Variants in LTAP1 observed in about 807,000 individuals in gnomAD.
LTAP1 encodes the protein HCV NS5A-transactivated protein 4.
At chr1:154,216,343 T>A in the LTAP1 span, among the ~76,000 whole-genome samples, 6 of 31,928 alleles carry the variant, frequency 1.9e-4, no homozygotes, top group East Asian at 0.077. Context: ...AAAAAAAATT[T>A]TTTTTTTTTG....
At chr1:154,217,526 T>G in the LTAP1 span, among the ~76,000 whole-genome samples, 1 of 152,062 alleles carries the variant, frequency 6.6e-6, no homozygotes, top group African/African-American at 2.4e-5. Flanking sequence ...CTTTCTTCAC[T>G]CAGCATGGTT....
the LTAP1 span, chr1:154,212,688 T>C: frequency 1.3e-6 from 2 of 1,575,910 alleles, no homozygotes; most frequent in South Asian, 1.1e-5. Context: ...TGAGATGGAG[T>C]CTCGCTCTGT....
At chr1:154,214,602 T>C in the LTAP1 span, 1 of 1,427,856 alleles carries the variant, frequency 7.0e-7, no homozygotes, top group Non-Finnish European at 9.8e-7. Context: ...GAATACACAA[T>C]CATTTACCCT....
the LTAP1 span, chr1:154,219,949 G>A: frequency 1.8e-5 from 28 of 1,572,774 alleles, no homozygotes; most frequent in South Asian, 3.1e-4. Context: ...TGTCCAAAAA[G>A]ATGTAAAAAT....
At chr1:154,214,989 C>G in the LTAP1 span, among the ~76,000 whole-genome samples, 1 of 151,818 alleles carries the variant, frequency 6.6e-6, no homozygotes, top group Non-Finnish European at 1.5e-5. Flanking sequence ...GGATTATAGG[C>G]GCGTACGACC....
the LTAP1 span, among the ~76,000 whole-genome samples, chr1:154,218,752 C>T: frequency 6.6e-6 from 1 of 151,754 alleles, no homozygotes; most frequent in Admixed American, 6.6e-5. Context: ...GTGAACAAAA[C>T]TGGCATGGTG....
At chr1:154,217,133 C>T in the LTAP1 span, among the ~76,000 whole-genome samples, 4 of 150,728 alleles carry the variant, frequency 2.7e-5, no homozygotes, top group Non-Finnish European at 5.9e-5. Flanking sequence ...ATTTTTAGTA[C>T]AGTCGGGGTT....
chr1:154,211,942 C>T, the LTAP1 span: 9 of 201,046 alleles, frequency 4.5e-5, no homozygotes, highest in East Asian at 1.2e-4. Context: ...CCGCAACCTC[C>T]GCCTCCCGGG....
chr1:154,220,175 T>G, the LTAP1 span: 1 of 878,984 alleles, frequency 1.1e-6, no homozygotes, highest in Non-Finnish European at 1.8e-6. Context: ...CGAGGGCGGG[T>G]CGGCCCGACT....
the LTAP1 span, among the ~76,000 whole-genome samples, chr1:154,217,854 C>G: frequency 1.3e-5 from 2 of 152,076 alleles, no homozygotes; most frequent in Non-Finnish European, 2.9e-5. Flanking sequence ...TTTTTTCATT[C>G]AGAAGTATTT....
the LTAP1 span, among the ~76,000 whole-genome samples, chr1:154,209,917 G>A: frequency 6.6e-6 from 1 of 151,728 alleles, no homozygotes; most frequent in Admixed American, 6.6e-5. Context: ...GTAGAGACAG[G>A]GTTACACTAT....
the LTAP1 span, among the ~76,000 whole-genome samples, chr1:154,214,273 T>A: frequency 4.6e-5 from 7 of 151,818 alleles, no homozygotes; most frequent in Admixed American, 3.9e-4. Context: ...TGAAACTCCA[T>A]CTCAAAAAAG....
chr1:154,214,844 A>T, the LTAP1 span, among the ~76,000 whole-genome samples: 2 of 140,360 alleles, frequency 1.4e-5, no homozygotes, highest in South Asian at 2.3e-4. Flanking sequence ...ATTATTTCCA[A>T]TTTTTTTTTT....
At chr1:154,208,281 G>C in the LTAP1 span, among the ~76,000 whole-genome samples, 1 of 151,870 alleles carries the variant, frequency 6.6e-6, no homozygotes, top group Non-Finnish European at 1.5e-5. Flanking sequence ...CTGTAGTCCT[G>C]GTTCCTCAGG....
the LTAP1 span, chr1:154,214,344 C>T: frequency 1.4e-6 from 1 of 728,142 alleles, no homozygotes; most frequent in Non-Finnish European, 2.4e-6. Context: ...TAACATATAT[C>T]CAATAACAGG....
At chr1:154,207,094 C>T in the LTAP1 span, 2 of 213,970 alleles carry the variant, frequency 9.3e-6, no homozygotes. Flanking sequence ...CATCTCACTC[C>T]AACTCTCACC....
the LTAP1 span, among the ~76,000 whole-genome samples, chr1:154,215,982 C>T: frequency 3.3e-5 from 5 of 151,948 alleles, no homozygotes; most frequent in African/African-American, 7.2e-5. Flanking sequence ...GGACTACAGG[C>T]GCCCGCCACC....
the LTAP1 span, among the ~76,000 whole-genome samples, chr1:154,217,582 G>C: frequency 1.3e-5 from 2 of 152,230 alleles, no homozygotes; most frequent in Admixed American, 6.5e-5. Context: ...ACCCAGGCTG[G>C]AGTGCAGTGG....
At chr1:154,211,482 A>G in the LTAP1 span, among the ~76,000 whole-genome samples, 3 of 149,922 alleles carry the variant, frequency 2.0e-5, no homozygotes, top group African/African-American at 7.4e-5. Flanking sequence ...GATTACAGGC[A>G]CGCACCACCA....
Sources: gnomAD v4.1 joint callset for allele counts (sites outside exome capture counted in the v4.1 genomes callset) on GRCh38, gnomAD v4.1.1 for gene constraint, MANE v1.5 for transcripts, NCBI Gene and HGNC (gene_info 2026-07-23, HGNC 2026-07-21) for gene names.